The following NEK1 variants were observed in gnomAD, a reference collection of about 807,000 sequenced individuals.
NEK1 encodes the protein NIMA related kinase 1.
In NEK1, 137 loss-of-function variants were observed where a neutral mutation model predicts 182.1. The ratio of observed to expected loss-of-function variants is 0.75; its 90% CI spans 0.65 to 0.87. The LOEUF is 0.87. NEK1 is among the 40% of genes least tolerant of loss of function. The pLI is 0.00. For missense variants in NEK1, 1,391 were observed against 1,494.4 expected (o/e 0.93, Z 1.14); for synonymous variants, 513 against 492.2 (o/e 1.04, Z -0.56).
chr4:169,401,421 T>A (rs1377027337), intron 33 of NEK1, among the ~76,000 whole-genome samples: 1 of 151,912 alleles, frequency 6.6e-6, no homozygotes, highest in African/African-American at 2.4e-5. Context: ...AGAATAAAAA[T>A]GCTTCAAAAA....
chr4:169,396,920 T>TG (rs2110952853), intron 35 of NEK1, among the ~76,000 whole-genome samples: 1 of 152,270 alleles, frequency 6.6e-6, no homozygotes, highest in East Asian at 1.9e-4. Context: ...AAAAGATAGC[T>TG]GTCTGGACAA....
intron 32 of NEK1, among the ~76,000 whole-genome samples, chr4:169,404,700 A>G (rs1484708648): frequency 6.6e-6 from 1 of 152,208 alleles, no homozygotes; most frequent in Non-Finnish European, 1.5e-5. Flanking sequence ...AAAGTGTGTA[A>G]CATTTGTCTA....
chr4:169,487,626 G>A lies in NEK1; in HGVS notation c.2008-8092C>T, dbSNP rs533345266. Among the ~76,000 whole-genome samples, 49 of 152,240 alleles carry A rather than the reference G, an allele frequency of 3.2e-4. 1 individual carries two copies. The South Asian group carries it at 6.6e-3, about 21-fold the overall frequency. ...GTGAATAGTGCTGCAATGAACATAC[G>A]CATGCATGTATCTTTATAACAGAAT... On this transcript the variant is annotated intron_variant, in intron 23 of 35. Transcript: ENST00000507142.
chr4:169,570,305 C>T lies in NEK1; in HGVS notation c.1020+6623G>A, dbSNP rs531967810. Reference sequence around the variant, plus strand: ...GAGCCCCTCCGCCCAGCAGCCACCCCGTCTGGGAAGTGAGGAGCGTCTCCG... The same window carrying T: ...GAGCCCCTCCGCCCAGCAGCCACCCTGTCTGGGAAGTGAGGAGCGTCTCCG... On this transcript the variant is annotated intron_variant, in intron 12 of 35. Transcript: ENST00000507142. Among the ~76,000 whole-genome samples, 926 of 151,964 alleles carry T rather than the reference C, an allele frequency of 6.1e-3. 7 individuals are homozygous for T. The highest frequency in any genetic ancestry group is 0.021 in the African/African-American group (889 of 41,350).
Position 169,562,910 on chromosome 4 carries a change from T to C in NEK1, c.1021-714A>G, listed in dbSNP as rs367943494. Reference sequence around the variant, plus strand: ...ATGGACTCATACAATATATATTCTTTTGTATCTTGCTTTTGCTCAACACTG... The same window carrying C: ...ATGGACTCATACAATATATATTCTTCTGTATCTTGCTTTTGCTCAACACTG... On this transcript the variant is annotated intron_variant, in intron 12 of 35. Transcript: ENST00000507142. Among the ~76,000 whole-genome samples the C allele has an allele frequency of 4.6e-5, 7 of 152,340 alleles. No homozygotes were observed. The East Asian group carries it at 7.7e-4, about 17-fold the overall frequency.
chr4:169,606,007 C>T (rs1328654279), intron 2 of NEK1, among the ~76,000 whole-genome samples: 5 of 151,804 alleles, frequency 3.3e-5, no homozygotes, highest in East Asian at 1.9e-4. Flanking sequence ...TCTAGAAACA[C>T]GAAAGATTTA....
At chr4:169,545,513 G>T (rs1447671553) in intron 18 of NEK1, among the ~76,000 whole-genome samples, 1 of 149,948 alleles carries the variant, frequency 6.7e-6, no homozygotes, top group Non-Finnish European at 1.5e-5. Context: ...ATAAACATAT[G>T]TGTGCATGTG....
chr4:169,477,383 T>G (rs187931391), intron 25 of NEK1, 31 bp from the exon 26 acceptor site: 1 of 1,551,518 alleles, frequency 6.4e-7, no homozygotes, highest in South Asian at 1.2e-5. Flanking sequence ...TATTTTAATA[T>G]GTATATCATT....
intron 31 of NEK1, among the ~76,000 whole-genome samples, chr4:169,421,972 G>C (rs2111300697): frequency 6.6e-6 from 1 of 152,302 alleles, no homozygotes; most frequent in East Asian, 1.9e-4. Context: ...GTTAGAGTAG[G>C]ATCCACCAGC....
chr4:169,393,690 T>A lies in NEK1; in HGVS notation c.*820A>T, dbSNP rs1258760701. On this transcript the variant is annotated 3_prime_UTR_variant, in exon 36 of 36. Transcript: ENST00000507142. ...ATAAAAATAATTATTTCCTCCTTTT[T>A]AACATCTTATTGTCCTTGAAGCTTA... The A allele has an allele frequency of 6.6e-6, 1 of 152,216 alleles. No individual in the cohort carries two copies. The highest frequency in any genetic ancestry group is 1.5e-5 in the Non-Finnish European group (1 of 68,028). 9.4% of individuals were successfully genotyped at this position (152,216 alleles called of 1,614,324 possible).
At chr4:169,555,535 A>G (rs1270212592) in intron 18 of NEK1, 185 bp downstream of exon 18, 9 of 510,542 alleles carry the variant, frequency 1.8e-5, no homozygotes, top group African/African-American at 4.1e-5. Context: ...CTGAACTGGA[A>G]AGCTACATGC....
chr4:169,448,047 C>CA lies in NEK1; in HGVS notation c.2588-9789dup, dbSNP rs1252358990. ...GGCAACAGGCAAAACCCTTTCTCTA[C>CA]AAAAAAAAAATACAAAAAAATTTAG... On this transcript the variant is annotated intron_variant, in intron 27 of 35. Coordinates refer to ENST00000507142, the MANE Select transcript of NEK1 (RefSeq NM_001199397.3). Among the ~76,000 whole-genome samples the CA allele has an allele frequency of 4.1e-3, 601 of 145,838 alleles. 1 individual carries two copies. Among genetic ancestry groups the CA allele is most frequent in the South Asian group, 7.0e-3 (32 of 4,568 alleles).
intron 23 of NEK1, among the ~76,000 whole-genome samples, chr4:169,481,652 C>T (rs116680741): frequency 0.012 from 1,834 of 152,178 alleles, 32 homozygotes; most frequent in African/African-American, 0.041. Flanking sequence ...TACAGCAAAC[C>T]GTGCTGTTAA....
intron 5 of NEK1, among the ~76,000 whole-genome samples, chr4:169,596,781 A>T (rs759007393): frequency 6.6e-6 from 1 of 152,110 alleles, no homozygotes; most frequent in African/African-American, 2.4e-5. Flanking sequence ...AGTTTAAATG[A>T]CCTCTTCCTA....
intron 9 of NEK1, among the ~76,000 whole-genome samples, chr4:169,586,388 C>A (rs946387137): frequency 1.3e-5 from 2 of 152,006 alleles, no homozygotes; most frequent in African/African-American, 2.4e-5. Context: ...CATCTGTACA[C>A]CTAAATAGGA....
chr4:169,559,646 A>G (rs2149932065), intron 16 of NEK1, among the ~76,000 whole-genome samples: 1 of 152,342 alleles, frequency 6.6e-6, no homozygotes, highest in East Asian at 1.9e-4. Flanking sequence ...ATCCAATTTG[A>G]CAAGTATCTA....
intron 5 of NEK1, among the ~76,000 whole-genome samples, chr4:169,596,734 G>A (rs571045652): frequency 6.6e-6 from 1 of 152,260 alleles, no homozygotes; most frequent in South Asian, 2.1e-4. Context: ...ACAGTTTAAT[G>A]GAGCTCTAAG....
At chr4:169,566,923 G>A (rs983240125) in intron 12 of NEK1, among the ~76,000 whole-genome samples, 6 of 151,956 alleles carry the variant, frequency 3.9e-5, no homozygotes, top group Non-Finnish European at 8.8e-5. Flanking sequence ...GAACAACATG[G>A]CAAGACCCCG....
chr4:169,507,270 T>C (rs1753467421), intron 22 of NEK1, 138 bp from the exon 23 acceptor site: 2 of 527,912 alleles, frequency 3.8e-6, no homozygotes, highest in Non-Finnish European at 6.2e-6. Flanking sequence ...AGAATAAAAA[T>C]GTAAGCTCAC....
Sources: allele counts gnomAD v4.1 joint callset (sites outside exome capture counted in the v4.1 genomes callset), GRCh38; gene constraint gnomAD v4.1.1; transcripts MANE v1.5; gene names NCBI Gene and HGNC (gene_info 2026-07-23, HGNC 2026-07-21).